DHX57: variants seen among roughly 807,000 people sequenced by gnomAD.
The protein encoded by DHX57 is putative ATP-dependent RNA helicase DHX57.
Under a neutral mutation model 156.2 loss-of-function variants are expected in DHX57, and 105 were observed. That is an observed-to-expected ratio of 0.67 (90% CI 0.57 to 0.79). The LOEUF (loss-of-function observed/expected upper bound fraction) is 0.79. DHX57 is among the 30% of genes least tolerant of loss of function. DHX57 has a pLI of 0.00. For missense variants in DHX57, 1,847 were observed against 1,661.9 expected (o/e 1.11, Z -1.94); for synonymous variants, 704 against 595.6 (o/e 1.18, Z -2.65).
chr2:38,857,845 A>AC (rs1199576612), intron 6 of DHX57, among the ~76,000 whole-genome samples: 1 of 152,202 alleles, frequency 6.6e-6, no homozygotes, highest in Non-Finnish European at 1.5e-5. Context: ...GAAACAGGGT[A>AC]AAAGTCCTTC....
chr2:38,798,696 A>G (rs1327150074), intron 23 of DHX57, among the ~76,000 whole-genome samples: 1 of 152,252 alleles, frequency 6.6e-6, no homozygotes, highest in Non-Finnish European at 1.5e-5. Flanking sequence ...CTGTAATCCC[A>G]GCACTTTGGG....
intron 13 of DHX57, among the ~76,000 whole-genome samples, chr2:38,832,095 G>A (rs1671412655): frequency 6.6e-6 from 1 of 152,088 alleles, no homozygotes; most frequent in African/African-American, 2.4e-5. Context: ...TACTTGCCAA[G>A]TAAAAATAAG....
rs141371788 is a variant in DHX57 at position 38,818,913 on chromosome 2, G to C, written c.3435C>G (p.Tyr1145Ter). 1 of 1,614,090 alleles carries C rather than the reference G, an allele frequency of 6.2e-7. No homozygotes were observed. The highest frequency in any genetic ancestry group is 1.3e-5 in the African/African-American group (1 of 74,948). Reference sequence around the variant, plus strand: ...TTCCAGACAAGAAGTTTTGTCTGCAGTAATTATAACTTGCACGCACGCCTT... The same window carrying C: ...TTCCAGACAAGAAGTTTTGTCTGCACTAATTATAACTTGCACGCACGCCTT... ...TKEGVRASYN[Y>*]CRQNFLSGRV... Residue 1145 changes from tyrosine to a stop codon, truncating the protein, a stop_gained, in exon 19 of 24, where the codon TAC becomes TAG. Coordinates refer to ENST00000457308, the MANE Select transcript of DHX57 (RefSeq NM_198963.3). LOFTEE classifies it high-confidence loss of function.
At chr2:38,847,620 G>A (rs746852857) in intron 10 of DHX57, among the ~76,000 whole-genome samples, 2 of 152,088 alleles carry the variant, frequency 1.3e-5, no homozygotes, top group Non-Finnish European at 2.9e-5. Context: ...TGCCAGAGTG[G>A]ACCAACACCC....
chr2:38,857,165 T>A (rs1025687990), intron 6 of DHX57: 1 of 154,090 alleles, frequency 6.5e-6, no homozygotes, highest in South Asian at 2.0e-4. Flanking sequence ...AAGAATAGTG[T>A]TACTGAGGAA....
intron 9 of DHX57, among the ~76,000 whole-genome samples, chr2:38,851,039 T>C (rs890605586): frequency 1.3e-5 from 2 of 151,848 alleles, no homozygotes; most frequent in Non-Finnish European, 2.9e-5. Flanking sequence ...ACTGCACCAC[T>C]GCACTCCAGC....
intron 23 of DHX57, among the ~76,000 whole-genome samples, chr2:38,801,462 T>G (rs752417020): frequency 6.6e-6 from 1 of 152,234 alleles, no homozygotes; most frequent in Non-Finnish European, 1.5e-5. Flanking sequence ...CAGGCTGAAG[T>G]GCAGTGGTGC....
intron 9 of DHX57, among the ~76,000 whole-genome samples, chr2:38,850,953 T>C (rs1214820988): frequency 1.3e-5 from 2 of 152,008 alleles, no homozygotes; most frequent in African/African-American, 4.8e-5. Context: ...GGCGTGCACC[T>C]GTAGTTGCGG....
At chr2:38,850,826 G>A (rs1254988819) in intron 9 of DHX57, among the ~76,000 whole-genome samples, 1 of 152,086 alleles carries the variant, frequency 6.6e-6, no homozygotes, top group Non-Finnish European at 1.5e-5. Flanking sequence ...TGTAATCCCA[G>A]CACTTTGGGA....
chr2:38,803,379 T>C (rs898806350), intron 22 of DHX57, among the ~76,000 whole-genome samples: 13 of 151,946 alleles, frequency 8.6e-5, no homozygotes, highest in Admixed American at 7.9e-4. Context: ...GGAGTCATCA[T>C]TGACTATTTT....
intron 13 of DHX57, among the ~76,000 whole-genome samples, chr2:38,831,864 C>T (rs1209312140): frequency 7.3e-6 from 1 of 136,894 alleles, no homozygotes; most frequent in African/African-American, 2.7e-5. Flanking sequence ...AAAAAAATTA[C>T]AAAAATTAGC....
At chr2:38,858,958 A>G (rs1160439527) in intron 5 of DHX57, 122 bp from the exon 6 acceptor site, 1 of 950,150 alleles carries the variant, frequency 1.1e-6, no homozygotes, top group Non-Finnish European at 1.5e-6. Flanking sequence ...GAAAACTTGA[A>G]TAAAGTAAGT....
chr2:38,804,332 C>G (rs756304175), intron 22 of DHX57, among the ~76,000 whole-genome samples: 1 of 151,934 alleles, frequency 6.6e-6, no homozygotes, highest in Admixed American at 6.6e-5. Context: ...CTCTACAAAA[C>G]TGCAAAAATT....
intron 19 of DHX57, among the ~76,000 whole-genome samples, chr2:38,817,646 G>A (rs1363378751): frequency 6.6e-6 from 1 of 151,874 alleles, no homozygotes; most frequent in East Asian, 1.9e-4. Flanking sequence ...CTAAAACACT[G>A]TTGCAACAGG....
intron 1 of DHX57, among the ~76,000 whole-genome samples, chr2:38,870,336 A>G (rs1423988819): frequency 1.3e-5 from 2 of 152,244 alleles, no homozygotes; most frequent in African/African-American, 4.8e-5. Context: ...GATTCATTAA[A>G]AATCAATAAC....
In DHX57 at chr2:38,798,371, G is replaced by T. The variant is rs758056610; in HGVS notation, c.4089C>A (p.Ser1363Arg). ...CTCGAGGACACGTACACAGATCAAT[G>T]CTTGGGTTTTTAATTTTATCCTGGA... ...QLLQDKIKNP[S>R]IDLCTCPRGS... is the part of the protein sequence containing the mutation. The change falls in exon 24 of 24, where the codon AGC (serine) becomes AGA (arginine). Residue 1363 changes from serine to arginine, a missense_variant. Physicochemically the swap from Ser to Arg is moderately radical, Grantham distance 110. Coordinates refer to ENST00000457308, the MANE Select transcript of DHX57 (RefSeq NM_198963.3). The T allele has an allele frequency of 6.8e-6, 11 of 1,613,984 alleles. No homozygotes were observed. The highest frequency in any genetic ancestry group is 8.5e-6 in the Non-Finnish European group (10 of 1,180,018).
At chr2:38,846,901 C>T in intron 11 of DHX57, 118 bp downstream of exon 11, 1 of 643,424 alleles carries the variant, frequency 1.6e-6, no homozygotes, top group Non-Finnish European at 2.6e-6. Context: ...GTTGCCCAAG[C>T]TGGTCTTGAA....
At chr2:38,843,317 C>A in intron 11 of DHX57, 107 bp from the exon 12 acceptor site, 2 of 1,113,226 alleles carry the variant, frequency 1.8e-6, no homozygotes, top group Non-Finnish European at 1.3e-6. Context: ...ACTGTCTGCC[C>A]AATTCACATG....
intron 9 of DHX57, among the ~76,000 whole-genome samples, chr2:38,852,280 G>A (rs1394543340): frequency 1.4e-5 from 2 of 147,986 alleles, no homozygotes; most frequent in Non-Finnish European, 3.0e-5. Context: ...AGGTTCAAGC[G>A]ATTCTCCTGC....
Sources: allele counts gnomAD v4.1 joint callset (sites outside exome capture counted in the v4.1 genomes callset), GRCh38; gene constraint gnomAD v4.1.1; transcripts MANE v1.5; gene names NCBI Gene and HGNC (gene_info 2026-07-23, HGNC 2026-07-21).